ACYP2: variants seen among roughly 807,000 people sequenced by gnomAD.
The protein encoded by ACYP2 is acylphosphatase-2.
ACYP2 carries 12 observed loss-of-function variants against 11.2 expected under a neutral mutation model. The ratio of observed to expected loss-of-function variants is 1.08; its 90% CI spans 0.69 to 1.74. ACYP2 has a LOEUF of 1.74. Ranked by LOEUF, ACYP2 falls within the 40% of genes most tolerant of loss-of-function variation. The pLI, the probability that ACYP2 is intolerant of heterozygous loss-of-function variation, is 0.00. For synonymous variants in ACYP2, 43 were observed against 32.2 expected, an observed-to-expected ratio of 1.33 and a Z score of -1.13; for missense variants, 134 against 101.9, an observed-to-expected ratio of 1.31 and a Z score of -1.35.
Position 54,050,983 on chromosome 2 carries a change from G to T in ACYP2, c.88G>T (p.Gly30Cys), listed in dbSNP as rs1675832433. 2.3e-6 allele frequency: 1 copy of T among 431,292 alleles called. No individual in the cohort carries two copies. Among genetic ancestry groups the T allele is most frequent in the Non-Finnish European group, 4.0e-6 (1 of 247,010 alleles). The allele number at this position is 431,292 out of a possible 1,614,324, so 26.7% of individuals were successfully genotyped here. A position where few individuals can be genotyped will look rare whatever the true frequency, so the allele number is the denominator to read the frequency against. Residue 30 changes from glycine (G) to cysteine (C), a missense_variant, in exon 3 of 7, where the codon GGC becomes TGC. Physicochemically the swap from Gly to Cys is radical, Grantham distance 159. Coordinates refer to ENST00000607452, the MANE Select transcript of ACYP2 (RefSeq NM_001320586.2). ...ATACAAGGTCTCGCTGTTCTACCTA[G>T]GCTGTTCTAGAACTCCTAATGTCAA...
At chr2:54,061,441 A>C (rs990849630) in intron 4 of ACYP2, among the ~76,000 whole-genome samples, 6 of 152,006 alleles carry the variant, frequency 3.9e-5, no homozygotes, top group African/African-American at 7.3e-5. Flanking sequence ...AATTAGTTTC[A>C]CTCTCATGGG....
chr2:54,219,906 T>TA (rs70944154), intron 6 of ACYP2, among the ~76,000 whole-genome samples: 85 of 46,632 alleles, frequency 1.8e-3, no homozygotes, highest in Admixed American at 3.5e-3. Context: ...TATATATATA[T>TA]TTTTTTTTTT....
At chr2:54,197,959 ATTG>A (rs1684576213) in intron 6 of ACYP2, among the ~76,000 whole-genome samples, 36 of 49,220 alleles carry the variant, frequency 7.3e-4, no homozygotes, top group Non-Finnish European at 1.1e-3. Flanking sequence ...ATTGTATTGT[ATTG>A]TATTGTATTG....
chr2:54,111,268 C>T (rs542062325), intron 4 of ACYP2, among the ~76,000 whole-genome samples: 5 of 152,036 alleles, frequency 3.3e-5, no homozygotes, highest in African/African-American at 1.2e-4. Flanking sequence ...AAGTAGTCAG[C>T]TTTGAATATT....
At chr2:54,129,849 AAATAT>A (rs1680791898) in intron 4 of ACYP2, among the ~76,000 whole-genome samples, 1 of 148,466 alleles carries the variant, frequency 6.7e-6, no homozygotes, top group Admixed American at 6.7e-5. Flanking sequence ...CATTAACAAT[AAATAT>A]AATATATAAT....
Position 54,258,244 on chromosome 2 carries a change from G to GT in ACYP2, c.405-46443dup, listed in dbSNP as rs1687641511. On this transcript the variant is annotated intron_variant, in intron 6 of 6. Transcript: ENST00000607452. Reference sequence around the variant, plus strand: ...GGGGGTAGGGAGTGGGGAGGAGATTGTAGTATGAAATAGGGTGGTCAGAGG... The same window carrying GT: ...GGGGGTAGGGAGTGGGGAGGAGATTGTTAGTATGAAATAGGGTGGTCAGAGG... Among the ~76,000 whole-genome samples the GT allele has an allele frequency of 2.6e-5, 4 of 152,294 alleles. No homozygotes were observed. The South Asian group carries it at 8.3e-4, about 32-fold the overall frequency.
At chr2:54,080,078 T>G (rs889979008) in intron 4 of ACYP2, 34 of 207,636 alleles carry the variant, frequency 1.6e-4, no homozygotes, top group African/African-American at 7.6e-4. Flanking sequence ...TACCTTGCTG[T>G]GAATGGCACA....
chr2:54,004,701 C>T (rs1310783355), intron 2 of ACYP2, among the ~76,000 whole-genome samples: 4 of 151,802 alleles, frequency 2.6e-5, no homozygotes, highest in Non-Finnish European at 4.4e-5. Context: ...TGAGCCACCG[C>T]GCTCAGCCAG....
chr2:54,147,804 C>T (rs1423423699), intron 6 of ACYP2, among the ~76,000 whole-genome samples: 1 of 152,124 alleles, frequency 6.6e-6, no homozygotes, highest in African/African-American at 2.4e-5. Flanking sequence ...GGATTACAGG[C>T]GTGAGTTACC....
At chr2:54,262,507 A>G (rs1435592011) in intron 6 of ACYP2, among the ~76,000 whole-genome samples, 1 of 152,252 alleles carries the variant, frequency 6.6e-6, no homozygotes. Flanking sequence ...CAGTAAATGA[A>G]TAAGTTGGTT....
chr2:54,197,937 GTATTA>G lies in ACYP2; in HGVS notation c.404+59194_404+59198del, dbSNP rs1275203644. ...TTATTATTTTATTTTATTTATGTAT[GTATTA>G]TATTGTATTGTATTGTATTGTATTG... On this transcript the variant is annotated intron_variant, in intron 6 of 6. Coordinates refer to ENST00000607452, the MANE Select transcript of ACYP2 (RefSeq NM_001320586.2). Among the ~76,000 whole-genome samples the G allele has an allele frequency of 4.0e-3, 300 of 74,394 alleles. 17 individuals carry two copies. Among genetic ancestry groups the G allele is most frequent in the East Asian group, 0.013 (35 of 2,622 alleles). The allele number at this position is 74,394 out of a possible 152,430, so 48.8% of individuals were successfully genotyped here.
chr2:54,100,847 G>C (rs1331753189), intron 4 of ACYP2, among the ~76,000 whole-genome samples: 1 of 152,206 alleles, frequency 6.6e-6, no homozygotes, highest in East Asian at 1.9e-4. Flanking sequence ...GGGAAATGAG[G>C]CTGGAACAGT....
intron 6 of ACYP2, among the ~76,000 whole-genome samples, chr2:54,248,777 G>T (rs12615793): frequency 6.6e-6 from 1 of 152,016 alleles, no homozygotes; most frequent in Non-Finnish European, 1.5e-5. Flanking sequence ...TATAAACTAC[G>T]AACATCTGTA....
At chr2:54,158,035 T>C (rs1430508521) in intron 6 of ACYP2, among the ~76,000 whole-genome samples, 1 of 151,788 alleles carries the variant, frequency 6.6e-6, no homozygotes, top group African/African-American at 2.4e-5. Flanking sequence ...TTATTATTAT[T>C]ATTTTTTTGA....
At chr2:54,067,152 C>T (rs556782670) in intron 4 of ACYP2, among the ~76,000 whole-genome samples, 2 of 152,288 alleles carry the variant, frequency 1.3e-5, no homozygotes, top group East Asian at 3.9e-4. Context: ...TTATTGTTAA[C>T]TTACTTGAGA....
chr2:54,141,838 GTATT>G (rs1265262259), intron 6 of ACYP2: 1 of 541,806 alleles, frequency 1.8e-6, no homozygotes, highest in East Asian at 2.9e-5. Flanking sequence ...TAAACTTTAT[GTATT>G]TATTTATTTT....
intron 4 of ACYP2, among the ~76,000 whole-genome samples, chr2:54,125,694 G>A (rs866578379): frequency 1.9e-4 from 29 of 152,210 alleles, no homozygotes; most frequent in African/African-American, 6.7e-4. Context: ...AGGTTGCAGT[G>A]AGCCGAGATC....
At chr2:54,118,655 C>A (rs962733177) in intron 4 of ACYP2, among the ~76,000 whole-genome samples, 5 of 152,106 alleles carry the variant, frequency 3.3e-5, no homozygotes, top group African/African-American at 1.2e-4. Flanking sequence ...AGTGGTAACA[C>A]GGTATATAAT....
intron 4 of ACYP2, among the ~76,000 whole-genome samples, chr2:54,070,225 G>A (rs1572688450): frequency 6.8e-6 from 1 of 146,314 alleles, no homozygotes. Flanking sequence ...AGCCAAGATT[G>A]TGCCATTGCA....
Sources: allele counts gnomAD v4.1 joint callset (sites outside exome capture counted in the v4.1 genomes callset), GRCh38; gene constraint gnomAD v4.1.1; transcripts MANE v1.5; gene names NCBI Gene and HGNC (gene_info 2026-07-23, HGNC 2026-07-21).